Variants in FBXL17 observed in about 807,000 individuals in gnomAD.
The protein encoded by FBXL17 is F-box/LRR-repeat protein 17.
A neutral mutation model predicts 66.2 loss-of-function variants in FBXL17; 22 were observed. The ratio of observed to expected loss-of-function variants is 0.33; its 90% CI spans 0.24 to 0.47. The LOEUF is 0.47. Among genes scored for constraint, FBXL17 ranks in the 20% least tolerant of loss-of-function variants. The pLI is 1.00. For missense variants in FBXL17, 878 were observed against 948.2 expected (o/e 0.93, Z 0.97); for synonymous variants, 474 against 400.5 (o/e 1.18, Z -2.19).
At chr5:107,957,401 C>T (rs1561338635) in intron 7 of FBXL17, among the ~76,000 whole-genome samples, 1 of 151,912 alleles carries the variant, frequency 6.6e-6, no homozygotes, top group Non-Finnish European at 1.5e-5. Flanking sequence ...TTAGAGAAAA[C>T]TGGCTCCAGG....
At chr5:108,361,615 T>G (rs1473529006) in intron 3 of FBXL17, among the ~76,000 whole-genome samples, 1 of 151,946 alleles carries the variant, frequency 6.6e-6, no homozygotes, top group Non-Finnish European at 1.5e-5. Context: ...AAAAACAAAC[T>G]CTCTCCCAGG....
chr5:107,888,245 C>T (rs974610731), intron 7 of FBXL17, among the ~76,000 whole-genome samples: 1 of 152,124 alleles, frequency 6.6e-6, no homozygotes, highest in Admixed American at 6.5e-5. Context: ...TATTTATCAA[C>T]ATGTTTGTCT....
intron 6 of FBXL17, among the ~76,000 whole-genome samples, chr5:108,149,864 G>A (rs1044334535): frequency 1.3e-5 from 2 of 152,056 alleles, no homozygotes; most frequent in South Asian, 2.1e-4. Context: ...CAATGCATAA[G>A]AGAGCAAAAG....
At chr5:107,955,275 C>T (rs1751624648) in intron 7 of FBXL17, among the ~76,000 whole-genome samples, 1 of 151,992 alleles carries the variant, frequency 6.6e-6, no homozygotes, top group South Asian at 2.1e-4. Context: ...CTTTCTCTCA[C>T]CTAAATAGCT....
Position 107,859,741 on chromosome 5 carries a change from CTTTT to C in FBXL17, c.*1975_*1978del, listed in dbSNP as rs1248660587. ...CATAGATGGCTCTCCCTTCTTTTGT[CTTTT>C]TTAACTATTTAAAATATAGTATGAC... On this transcript the variant is annotated 3_prime_UTR_variant, in exon 9 of 9. Coordinates refer to ENST00000542267, the MANE Select transcript of FBXL17 (RefSeq NM_001163315.3). 6.6e-6 allele frequency: 1 copy of C among 151,904 alleles called. No homozygotes were observed. The highest frequency in any genetic ancestry group is 6.6e-5 in the Admixed American group (1 of 15,258). The allele number at this position is 151,904 out of a possible 1,614,324, so 9.4% of individuals were successfully genotyped here. A position where few individuals can be genotyped will look rare whatever the true frequency, so the allele number is the denominator to read the frequency against.
At chr5:108,280,624 A>T (rs930344602) in intron 4 of FBXL17, among the ~76,000 whole-genome samples, 1 of 152,022 alleles carries the variant, frequency 6.6e-6, no homozygotes, top group Non-Finnish European at 1.5e-5. Context: ...CAAAGAATTT[A>T]GAAAACAATT....
intron 4 of FBXL17, among the ~76,000 whole-genome samples, chr5:108,347,637 G>C (rs1371990774): frequency 1.3e-5 from 2 of 152,170 alleles, no homozygotes; most frequent in Admixed American, 1.3e-4. Flanking sequence ...AAAACCCATA[G>C]AGATAGAAAG....
intron 6 of FBXL17, among the ~76,000 whole-genome samples, chr5:108,095,531 TTAAA>T (rs1000180904): frequency 6.6e-6 from 1 of 152,096 alleles, no homozygotes; most frequent in African/African-American, 2.4e-5. Flanking sequence ...GAGTAGCTAA[TTAAA>T]TAAATTAACA....
chr5:108,028,785 A>G (rs1322742024), intron 6 of FBXL17, among the ~76,000 whole-genome samples: 2 of 152,178 alleles, frequency 1.3e-5, no homozygotes, highest in African/African-American at 4.8e-5. Flanking sequence ...AGAAGACTAC[A>G]AAACACAGGA....
intron 6 of FBXL17, among the ~76,000 whole-genome samples, chr5:108,023,808 A>G (rs1404456052): frequency 2.0e-5 from 3 of 152,184 alleles, no homozygotes; most frequent in Non-Finnish European, 4.4e-5. Context: ...CTACAGGTAC[A>G]GCAAGTTAAG....
chr5:108,152,534 A>G (rs575228577), intron 6 of FBXL17, among the ~76,000 whole-genome samples: 2 of 152,302 alleles, frequency 1.3e-5, no homozygotes, highest in East Asian at 3.9e-4. Context: ...ATTCAGCAGG[A>G]TACTGGATTT....
At chr5:108,209,421 A>G (rs944995322) in intron 5 of FBXL17, among the ~76,000 whole-genome samples, 1 of 152,166 alleles carries the variant, frequency 6.6e-6, no homozygotes, top group African/African-American at 2.4e-5. Context: ...CTTTTTGCCC[A>G]TTCAGTATGA....
At chr5:107,924,382 G>T (rs1750428750) in intron 7 of FBXL17, among the ~76,000 whole-genome samples, 1 of 152,150 alleles carries the variant, frequency 6.6e-6, no homozygotes, top group African/African-American at 2.4e-5. Context: ...AGTCTTATTA[G>T]AAAATATTTA....
intron 6 of FBXL17, among the ~76,000 whole-genome samples, chr5:108,106,128 C>T (rs1202418438): frequency 6.6e-6 from 1 of 152,130 alleles, no homozygotes; most frequent in Non-Finnish European, 1.5e-5. Context: ...GCTCTTTCTA[C>T]CATACCAGAG....
chr5:107,880,905 A>G, intron 8 of FBXL17, 132 bp downstream of exon 8: 2 of 1,461,746 alleles, frequency 1.4e-6, no homozygotes, highest in South Asian at 1.5e-5. Flanking sequence ...CTATAATTGC[A>G]TATATACATA....
intron 4 of FBXL17, among the ~76,000 whole-genome samples, chr5:108,328,364 G>A (rs754026756): frequency 2.0e-5 from 3 of 151,996 alleles, no homozygotes; most frequent in Admixed American, 2.0e-4. Context: ...GAGATGAAGA[G>A]AAGTATGTAG....
intron 4 of FBXL17, among the ~76,000 whole-genome samples, chr5:108,241,371 G>A (rs1296579610): frequency 2.0e-5 from 3 of 152,088 alleles, no homozygotes; most frequent in African/African-American, 7.2e-5. Flanking sequence ...ACTGAAGAAT[G>A]CATCTGAGTC....
intron 6 of FBXL17, among the ~76,000 whole-genome samples, chr5:108,064,458 G>A (rs887752427): frequency 1.3e-5 from 2 of 152,146 alleles, no homozygotes; most frequent in South Asian, 2.1e-4. Context: ...TACAAGCAGG[G>A]ATGGAGATGC....
chr5:108,158,358 A>G (rs1752075021), intron 6 of FBXL17, among the ~76,000 whole-genome samples: 1 of 152,238 alleles, frequency 6.6e-6, no homozygotes, highest in South Asian at 2.1e-4. Flanking sequence ...AACATTAAGT[A>G]TACAGAAATT....
Sources: gnomAD v4.1 joint callset for allele counts (sites outside exome capture counted in the v4.1 genomes callset) on GRCh38, gnomAD v4.1.1 for gene constraint, MANE v1.5 for transcripts, NCBI Gene and HGNC (gene_info 2026-07-23, HGNC 2026-07-21) for gene names.